VGLL4: variants seen among roughly 807,000 people sequenced by gnomAD.
The protein encoded by VGLL4 is vestigial like family member 4.
In VGLL4, 7 loss-of-function variants were observed where a neutral mutation model predicts 21.0. The observed-to-expected ratio is 0.33, with a 90% CI of 0.19 to 0.63. The LOEUF is 0.63. Among genes scored for constraint, VGLL4 ranks in the 20% least tolerant of loss-of-function variants. The pLI is 0.78. For synonymous variants in VGLL4, 222 were observed against 173.2 expected (o/e 1.28, Z -2.21); for missense variants, 394 against 425.7 (o/e 0.93, Z 0.66).
chr3:11,643,896 A>T lies in VGLL4; in HGVS notation c.-378T>A. The T allele has an allele frequency of 9.7e-7, 1 of 1,029,336 alleles. No individual in the cohort carries two copies. The highest frequency in any genetic ancestry group is 1.2e-6 in the Non-Finnish European group (1 of 857,100). The allele number at this position is 1,029,336 out of a possible 1,614,324, so 63.8% of individuals were successfully genotyped here. A position where few individuals can be genotyped will look rare whatever the true frequency, so the allele number is the denominator to read the frequency against. On this transcript the variant is annotated 5_prime_UTR_variant, in exon 1 of 5. Coordinates refer to ENST00000430365, the MANE Select transcript of VGLL4 (RefSeq NM_001128219.3). The stretch of plus-strand genomic sequence containing the variant: ...CTCTCACAGCCCGCTGCAAGCCGGC[A>T]GCGCTGACATGAGGGCTATGCTTGG...
At chr3:11,686,325 G>A (rs9854911) in intron 2 of VGLL4, among the ~76,000 whole-genome samples, 75,646 of 151,946 alleles carry the variant, frequency 0.5, 19,954 homozygotes, top group Non-Finnish European at 0.6. Flanking sequence ...ATATTATTTC[G>A]TCCTAAAAAT....
Position 11,568,377 on chromosome 3 carries a change from C to T in VGLL4, c.273-3358G>A, listed in dbSNP as rs1273840445. Among the ~76,000 whole-genome samples, 4 of 152,166 alleles carry T rather than the reference C, an allele frequency of 2.6e-5. No homozygotes were observed. The highest frequency in any genetic ancestry group is 4.4e-5 in the Non-Finnish European group (3 of 68,020). On this transcript the variant is annotated intron_variant, in intron 2 of 4. Transcript: ENST00000430365. The surrounding 1 kb of genome is among the most constrained non-coding windows in gnomAD (Gnocchi z 5.9). ...CCAGCTGCCAGGGCAGAGGTAAGGA[C>T]GGGGCAGCCCTGCACCTAAATCTGC...
intron 2 of VGLL4, among the ~76,000 whole-genome samples, chr3:11,666,154 A>G (rs2076121719): frequency 6.6e-6 from 1 of 151,154 alleles, no homozygotes; most frequent in Non-Finnish European, 1.5e-5. Context: ...TGGGAGGCTG[A>G]GGCAGGAGAG....
chr3:11,678,162 C>A (rs574798326), intron 2 of VGLL4, among the ~76,000 whole-genome samples: 6 of 152,258 alleles, frequency 3.9e-5, no homozygotes, highest in African/African-American at 1.4e-4. Flanking sequence ...TCAAGTGATT[C>A]TGGTGCCTCA....
chr3:11,648,091 G>A (rs2075818940), upstream of VGLL4, among the ~76,000 whole-genome samples: 1 of 152,102 alleles, frequency 6.6e-6, no homozygotes, highest in Admixed American at 6.5e-5. Flanking sequence ...GTAGGGAATT[G>A]GAAAGATGGG....
chr3:11,602,166 C>A, intron 1 of VGLL4, 144 bp from the exon 2 acceptor site: 1 of 664,548 alleles, frequency 1.5e-6, no homozygotes, highest in East Asian at 3.3e-5. Context: ...CGCCTGCCAT[C>A]CTCTGAACAT....
intron 1 of VGLL4, among the ~76,000 whole-genome samples, chr3:11,621,123 T>C (rs1410493324): frequency 6.6e-6 from 1 of 152,238 alleles, no homozygotes. Flanking sequence ...ATGGAATGAA[T>C]GGAGCAACAA....
upstream of VGLL4, chr3:11,721,083 T>A (rs1251442784): frequency 6.6e-6 from 1 of 152,268 alleles, no homozygotes; most frequent in African/African-American, 2.4e-5. Context: ...GCCTTCTGGC[T>A]GTTCTCAAAC....
At chr3:11,594,061 C>G (rs989501632) in intron 2 of VGLL4, among the ~76,000 whole-genome samples, 4 of 152,214 alleles carry the variant, frequency 2.6e-5, no homozygotes, top group Admixed American at 2.6e-4. Flanking sequence ...TCAAACAGCA[C>G]TTCCCCTAGA....
rs73814973 is a variant in VGLL4, at chr3:11,654,779, G to A, written c.64+48192C>T. On this transcript the variant is annotated intron_variant, in intron 2 of 5. Transcript: ENST00000273038. ...GTTAACATGTCCTGGATTAATTACT[G>A]GCCTGAAACCCCAGTGAGAGAAGAC... 4.0e-3 allele frequency among the ~76,000 whole-genome samples: 606 copies of A among 152,218 alleles called. 2 individuals are homozygous for A. Among genetic ancestry groups the A allele is most frequent in the African/African-American group, 0.014 (572 of 41,518 alleles).
At chr3:11,601,158 C>T (rs2074786281) in intron 2 of VGLL4, among the ~76,000 whole-genome samples, 1 of 152,212 alleles carries the variant, frequency 6.6e-6, no homozygotes, top group South Asian at 2.1e-4. Flanking sequence ...ATTCAGGGAT[C>T]TGTGGTTTCA....
At chr3:11,644,899 A>C (rs2075765310), upstream of VGLL4, among the ~76,000 whole-genome samples, 1 of 151,818 alleles carries the variant, frequency 6.6e-6, no homozygotes, top group African/African-American at 2.4e-5. Context: ...AGGAGAAGAG[A>C]TGGAAGAGTG....
chr3:11,621,019 G>A (rs1046715676), intron 1 of VGLL4, among the ~76,000 whole-genome samples: 1 of 152,166 alleles, frequency 6.6e-6, no homozygotes, highest in Admixed American at 6.5e-5. Context: ...CTGAATGACC[G>A]ATAGGTGCCA....
Position 11,559,340 on chromosome 3 carries a change from G to A in VGLL4, c.611C>T (p.Pro204Leu). Residue 204 changes from proline to leucine, a missense_variant, in exon 4 of 5, where the codon CCA (proline) becomes CTA (leucine). Physicochemically the swap from Pro to Leu is moderately conservative, Grantham distance 98. Transcript: ENST00000430365. ...AAPGPASYRR[P>L]PSAATTCDPV... is the part of the protein sequence containing the mutation. ...AGGCCCGGGACACTCACCGCTCGGT[G>A]GCCTCCGGTAGCTGGCAGGCCCGGG... is the stretch of plus-strand genomic sequence containing the variant. 1 of 1,544,402 alleles carries A rather than the reference G, an allele frequency of 6.5e-7. No homozygotes were observed. Among genetic ancestry groups the A allele is most frequent in the Non-Finnish European group, 8.7e-7 (1 of 1,143,312 alleles).
At chr3:11,631,534 C>G (rs1224540729) in intron 1 of VGLL4, among the ~76,000 whole-genome samples, 1 of 152,146 alleles carries the variant, frequency 6.6e-6, no homozygotes, top group Non-Finnish European at 1.5e-5. Context: ...CCTTAAGGAT[C>G]TATACATGAC....
chr3:11,597,896 C>T (rs577445853), intron 2 of VGLL4, among the ~76,000 whole-genome samples: 2 of 152,254 alleles, frequency 1.3e-5, no homozygotes, highest in South Asian at 4.2e-4. Flanking sequence ...TCAAATACAC[C>T]AGGTCCTAAG....
chr3:11,560,195 C>G (rs915336205), intron 3 of VGLL4, among the ~76,000 whole-genome samples: 1 of 152,250 alleles, frequency 6.6e-6, no homozygotes, highest in Admixed American at 6.5e-5. Flanking sequence ...CACCAAGATT[C>G]AGCAAGTGCA....
chr3:11,561,891 C>T (rs1332947002), intron 3 of VGLL4, among the ~76,000 whole-genome samples: 29 of 88,608 alleles, frequency 3.3e-4, no homozygotes, highest in Admixed American at 2.6e-3. Flanking sequence ...CTGCGCCAAA[C>T]TTTTTTTTTT....
chr3:11,629,266 G>A (rs902207476), intron 1 of VGLL4, among the ~76,000 whole-genome samples: 6 of 151,936 alleles, frequency 3.9e-5, no homozygotes, highest in Non-Finnish European at 5.9e-5. Flanking sequence ...ATACATGCCT[G>A]TGTTTTTAAA....
Sources: gnomAD v4.1 joint callset for allele counts (sites outside exome capture counted in the v4.1 genomes callset) on GRCh38, gnomAD v4.1.1 for gene constraint, Gnocchi (gnomAD v3.1) non-coding constraint, MANE v1.5 for transcripts, NCBI Gene and HGNC (gene_info 2026-07-23, HGNC 2026-07-21) for gene names.